KMT2D: variants seen among roughly 807,000 people sequenced by gnomAD.
KMT2D encodes histone-lysine N-methyltransferase 2D.
A neutral mutation model predicts 512.7 loss-of-function variants in KMT2D; 55 were observed. The observed-to-expected ratio is 0.11, with a 90% CI of 0.09 to 0.13. The LOEUF is 0.13. Ranked by LOEUF, KMT2D falls within the 10% of genes least tolerant of loss-of-function variation. The pLI is 1.00. For synonymous variants in KMT2D, 2,995 were observed against 2,904.0 expected (o/e 1.03, Z -1.01); for missense variants, 6,061 against 7,127.9 (o/e 0.85, Z 5.39).
Position 49,040,597 on chromosome 12 carries a change from G to T in KMT2D, c.7173C>A (p.Pro2391=), listed in dbSNP as rs776835202. The change falls in exon 32 of 55, where the codon CCC becomes CCA. Residue 2391 remains proline (P), a synonymous_variant. Coordinates refer to ENST00000301067, the MANE Select transcript of KMT2D (RefSeq NM_003482.4). ...GGGGCAGAGCACAGCAGCTCTCAGGGGGCGGAGGTTGGGGCCGAGGAGTCA... is the reference window on the plus strand; with the variant it reads ...GGGGCAGAGCACAGCAGCTCTCAGGTGGCGGAGGTTGGGGCCGAGGAGTCA... ...PPLTPRPQPP[P]PESCCALPPR... is the part of the protein sequence containing the mutation. 3 of 1,613,556 alleles carry T rather than the reference G, an allele frequency of 1.9e-6. No individual in the cohort carries two copies. The highest frequency in any genetic ancestry group is 4.5e-5 in the East Asian group (2 of 44,844).
chr12:49,053,050 CAGGCCCGG>C lies in KMT2D; in HGVS notation c.969_976del (p.Cys323TrpfsTer16). The C allele has an allele frequency of 6.2e-7, 1 of 1,614,058 alleles. No individual in the cohort carries two copies. The highest frequency in any genetic ancestry group is 8.5e-7 in the Non-Finnish European group (1 of 1,179,890). ...ATTCAGTTCTGCTGAGCCCGCCCCA[CAGGCCCGG>C]CACACCCGGCACGCCTAAGGGAAGG... On this transcript the variant is annotated frameshift_variant, in exon 9 of 55. Coordinates refer to ENST00000301067, the MANE Select transcript of KMT2D (RefSeq NM_003482.4). LOFTEE classifies it high-confidence loss of function.
Position 49,046,192 on chromosome 12 carries a change from G to C in KMT2D, c.4584-18C>G, listed in dbSNP as rs1205714018. The C allele has an allele frequency of 1.9e-6, 3 of 1,612,138 alleles. No homozygotes were observed. The African/African-American group carries it at 4.0e-5, about 22-fold the overall frequency. ...GCATCCACCTGGAGAACAGAGACTG[G>C]AGGAAATAAGCTCAGGCAATGCGAG... On this transcript the variant is annotated intron_variant, in intron 17 of 54. Coordinates refer to ENST00000301067, the MANE Select transcript of KMT2D (RefSeq NM_003482.4). This position sits in a 1 kb window ranked among gnomAD's most constrained non-coding sequence, Gnocchi z 4.2.
At position 49,054,630 on chromosome 12, in the gene KMT2D, C is replaced by A. The variant is rs759923704; in HGVS notation, c.298G>T (p.Gly100Trp). 1.2e-6 allele frequency: 2 copies of A among 1,613,260 alleles called. No homozygotes were observed. The highest frequency in any genetic ancestry group is 2.2e-5 in the South Asian group (2 of 90,980). The change falls in exon 4 of 55, where the codon GGG becomes TGG. Residue 100 changes from glycine (G) to tryptophan (W), a missense_variant. Around this residue, in one of 16 missense-constraint regions of KMT2D, gnomAD observed 144 missense variants for 165.7 expected, o/e 0.87. Coordinates refer to ENST00000301067, the MANE Select transcript of KMT2D (RefSeq NM_003482.4). This position sits in a 1 kb window ranked among gnomAD's most constrained non-coding sequence, Gnocchi z 6.4. Reference sequence around the variant, plus strand: ...GCCTCATTGGGCCCTGGGCTCCCCCCAGGGGACACCACTGGACACCGGGGC... The same window carrying A: ...GCCTCATTGGGCCCTGGGCTCCCCCAAGGGGACACCACTGGACACCGGGGC... Reference protein sequence around the residue: ...DWPRCPVVSPGGSPGPNEAVL... With the variant: ...DWPRCPVVSPWGSPGPNEAVL...
chr12:49,026,078 T>G lies in KMT2D; in HGVS notation c.15784+104A>C. 8.9e-7 allele frequency: 1 copy of G among 1,121,388 alleles called. No individual in the cohort carries two copies. The highest frequency in any genetic ancestry group is 1.7e-5 in the South Asian group (1 of 57,422). The allele number at this position is 1,121,388 out of a possible 1,614,324, so 69.5% of individuals were successfully genotyped here. On this transcript the variant is annotated intron_variant, in intron 49 of 54. Transcript: ENST00000301067. This position sits in a 1 kb window ranked among gnomAD's most constrained non-coding sequence, Gnocchi z 9.6. ...CCTGCCTGAGGTGGGGGAAGGAGGA[T>G]CATTCACATAGAAGCTACAGGTCCT...
Position 49,039,168 on chromosome 12 carries a change from G to C in KMT2D, c.8366+54C>G. 6.2e-7 allele frequency: 1 copy of C among 1,602,276 alleles called. No individual in the cohort carries two copies. Among genetic ancestry groups the C allele is most frequent in the Non-Finnish European group, 8.5e-7 (1 of 1,173,266 alleles). ...AGGAAAATCACAAGAGCTTCCAACA[G>C]TGATAAAATCCATCCCCCTTGGTTT... On this transcript the variant is annotated intron_variant, in intron 34 of 54. Transcript: ENST00000301067. This position sits in a 1 kb window ranked among gnomAD's most constrained non-coding sequence, Gnocchi z 5.0.
In KMT2D at chr12:49,022,266, T is replaced by A. The variant is rs766361159; in HGVS notation, c.16412+14A>T. ...CAGGGACCACTAAATCCCTCCTTCCTCGTCATCTCTCACCTGGCAGGGCCG... is the reference window on the plus strand; with the variant it reads ...CAGGGACCACTAAATCCCTCCTTCCACGTCATCTCTCACCTGGCAGGGCCG... On this transcript the variant is annotated intron_variant, in intron 53 of 54. Transcript: ENST00000301067. This position sits in a 1 kb window ranked among gnomAD's most constrained non-coding sequence, Gnocchi z 8.6. 8 of 1,590,556 alleles carry A rather than the reference T, an allele frequency of 5.0e-6. No homozygotes were observed. The highest frequency in any genetic ancestry group is 1.7e-4 in the Middle Eastern group (1 of 6,022).
Position 49,026,093 on chromosome 12 carries a change from C to A in KMT2D, c.15784+89G>T. On this transcript the variant is annotated intron_variant, in intron 49 of 54. Coordinates refer to ENST00000301067, the MANE Select transcript of KMT2D (RefSeq NM_003482.4). This position sits in a 1 kb window ranked among gnomAD's most constrained non-coding sequence, Gnocchi z 9.6. Reference sequence around the variant, plus strand: ...GGAAGGAGGATCATTCACATAGAAGCTACAGGTCCTCTTATAGACATTGTA... The same window carrying A: ...GGAAGGAGGATCATTCACATAGAAGATACAGGTCCTCTTATAGACATTGTA... 7.9e-7 allele frequency: 1 copy of A among 1,272,860 alleles called. No homozygotes were observed. The highest frequency in any genetic ancestry group is 1.5e-5 in the South Asian group (1 of 64,712). 78.8% of individuals were successfully genotyped at this position (1,272,860 alleles called of 1,614,324 possible). A position where few individuals can be genotyped will look rare whatever the true frequency, so the allele number is the denominator to read the frequency against.
Position 49,037,797 on chromosome 12 carries a change from C to T in KMT2D, c.9559G>A (p.Ala3187Thr). ...AGGTGAGCTGGTGGTCCTCCCGTGG[C>T]CCCAAAGGAGGCCTTCTCAGCTGTG... ...GHTAEKASFG[A>T]TGGPPAHLLT... Residue 3187 changes from alanine (A) to threonine (T), a missense_variant, in exon 35 of 55, where the codon GCC becomes ACC. This residue lies in a region of KMT2D where 533 missense variants were observed against 539.6 expected (regional missense o/e 0.99). Transcript: ENST00000301067. The T allele has an allele frequency of 1.3e-6, 2 of 1,596,738 alleles. No homozygotes were observed. The highest frequency in any genetic ancestry group is 4.5e-5 in the East Asian group (2 of 44,046).
In KMT2D at chr12:49,038,051, G is replaced by T. The variant is rs970061739; in HGVS notation, c.9305C>A (p.Pro3102His). 6 of 1,612,298 alleles carry T rather than the reference G, an allele frequency of 3.7e-6. No homozygotes were observed. Among genetic ancestry groups the T allele is most frequent in the Non-Finnish European group, 5.1e-6 (6 of 1,179,362 alleles). ...GPLGPEERPP[P>H]AADASEPRLA... ...GCGGGGTTCAGAGGCATCAGCAGCA[G>T]GGGGAGGGCGCTCCTCAGGGCCCAA... The change falls in exon 35 of 55, where the codon CCT becomes CAT. Residue 3102 changes from proline (P) to histidine (H), a missense_variant. Coordinates refer to ENST00000301067, the MANE Select transcript of KMT2D (RefSeq NM_003482.4). The surrounding 1 kb of genome is among the most constrained non-coding windows in gnomAD (Gnocchi z 5.7).
intron 1 of KMT2D, among the ~76,000 whole-genome samples, chr12:49,059,349 G>C (rs1049272868): frequency 6.6e-6 from 1 of 152,080 alleles, no homozygotes; most frequent in South Asian, 2.1e-4. Context: ...AAAATAAACA[G>C]GCAGAGAGGC....
intron 48 of KMT2D, 138 bp downstream of exon 48, chr12:49,027,665 G>C: frequency 2.7e-6 from 3 of 1,094,652 alleles, no homozygotes; most frequent in Non-Finnish European, 3.9e-6. Flanking sequence ...ATGTTGGCCA[G>C]GCTGGTCTCA....
Position 49,039,983 on chromosome 12 carries a change from G to A in KMT2D, c.7787C>T (p.Pro2596Leu), listed in dbSNP as rs756597120. Residue 2596 changes from proline (P) to leucine (L), a missense_variant, in exon 32 of 55, where the codon CCC becomes CTC. Physicochemically the swap from Pro to Leu is moderately conservative, Grantham distance 98. Around this residue, in one of 16 missense-constraint regions of KMT2D, gnomAD observed 527 missense variants for 578.9 expected, o/e 0.91. Transcript: ENST00000301067. This position sits in a 1 kb window ranked among gnomAD's most constrained non-coding sequence, Gnocchi z 5.0. ...GCTCTCCCCTGTGGACCCGCTGCTGGGCCCCAGGGGGCTGCCCGATGGGTG... is the reference window on the plus strand; with the variant it reads ...GCTCTCCCCTGTGGACCCGCTGCTGAGCCCCAGGGGGCTGCCCGATGGGTG... Reference protein sequence around the residue: ...NFHPSGSPLGPSSGSTGESYG... With the variant: ...NFHPSGSPLGLSSGSTGESYG... 80 of 1,613,618 alleles carry A rather than the reference G, an allele frequency of 5.0e-5. No individual in the cohort carries two copies. The highest frequency in any genetic ancestry group is 6.5e-5 in the Non-Finnish European group (77 of 1,179,774).
In KMT2D at chr12:49,031,688, G is replaced by A. The variant is rs776307224; in HGVS notation, c.13017C>T (p.Thr4339=). 6.2e-7 allele frequency: 1 copy of A among 1,612,120 alleles called. No homozygotes were observed. The highest frequency in any genetic ancestry group is 1.1e-5 in the South Asian group (1 of 90,630). ...QLPTEAQLPP[T]HPGTPKPQGP... is the part of the protein sequence containing the mutation. ...CCTGAGGTTTGGGGGTCCCTGGATG[G>A]GTGGGAGGGAGCTGGGCCTCAGTGG... The change falls in exon 40 of 55, where the codon ACC becomes ACT. Residue 4339 remains threonine, a synonymous_variant. Coordinates refer to ENST00000301067, the MANE Select transcript of KMT2D (RefSeq NM_003482.4).
rs1180986914 is a variant in KMT2D, at chr12:49,044,631, C to G, written c.4964-109G>C. On this transcript the variant is annotated intron_variant, in intron 20 of 54. Transcript: ENST00000301067. This position sits in a 1 kb window ranked among gnomAD's most constrained non-coding sequence, Gnocchi z 6.4. The stretch of plus-strand genomic sequence containing the variant: ...ATACCTTGCCTCAGAGCCACTTAGA[C>G]GAGACAGCAGTGCTTAAGGGTAACT... The G allele has an allele frequency of 1.9e-6, 3 of 1,555,852 alleles. No individual in the cohort carries two copies. The East Asian group carries it at 6.8e-5, about 35-fold the overall frequency.
rs2120455053 is a variant in KMT2D at position 49,034,268 on chromosome 12, C to A, written c.10539G>T (p.Trp3513Cys). ...NEADQRQYEE[W>C]LFHTQQLLQM... is the part of the protein sequence containing the mutation. ...GTAGGAGCTGCTGGGTATGGAACAG[C>A]CACTCCTCATACTGCCGCTGGTCAG... The change falls in exon 39 of 55, where the codon TGG (tryptophan) becomes TGT (cysteine). Residue 3513 changes from tryptophan to cysteine, a missense_variant. Coordinates refer to ENST00000301067, the MANE Select transcript of KMT2D (RefSeq NM_003482.4). 1 of 1,613,710 alleles carries A rather than the reference C, an allele frequency of 6.2e-7. No individual in the cohort carries two copies. Among genetic ancestry groups the A allele is most frequent in the Non-Finnish European group, 8.5e-7 (1 of 1,179,822 alleles).
At chr12:49,029,353 C>G (rs1163718035) in intron 44 of KMT2D, 48 bp downstream of exon 44, 3 of 1,560,216 alleles carry the variant, frequency 1.9e-6, no homozygotes, top group South Asian at 2.3e-5. Flanking sequence ...ATGAGGCAAC[C>G]TGTACCCCAC....
At position 49,019,883 on chromosome 12, in the gene KMT2D, G is replaced by C. The variant is rs1365530995; in HGVS notation, c.*1897C>G. 1 of 225,608 alleles carries C rather than the reference G, an allele frequency of 4.4e-6. No individual in the cohort carries two copies. Among genetic ancestry groups the C allele is most frequent in the Non-Finnish European group, 8.6e-6 (1 of 116,128 alleles). 14.0% of individuals were successfully genotyped at this position (225,608 alleles called of 1,614,324 possible). ...AAAACAAACCTAAAATCACAACAGC[G>C]ACCAAGCTCCCCCTCCAGCAGGCCC... On this transcript the variant is annotated 3_prime_UTR_variant, in exon 55 of 55. Transcript: ENST00000301067.
In KMT2D at chr12:49,054,915, G is replaced by A. The variant is rs1187636945; in HGVS notation, c.161C>T (p.Thr54Ile). The A allele has an allele frequency of 6.2e-7, 1 of 1,613,838 alleles. No individual in the cohort carries two copies. The highest frequency in any genetic ancestry group is 1.3e-5 in the African/African-American group (1 of 74,918). ...LSSGSPRLQE[T>I]PQDCSGGPVR... ...AACAAGCTACCTGCAGTCCTGAGGAGTCTCCTGAAGCCTGGGACTCCCAGA... is the reference window on the plus strand; with the variant it reads ...AACAAGCTACCTGCAGTCCTGAGGAATCTCCTGAAGCCTGGGACTCCCAGA... The change falls in exon 3 of 55, where the codon ACT becomes ATT. Residue 54 changes from threonine (T) to isoleucine (I), a missense_variant. Around this residue, in one of 16 missense-constraint regions of KMT2D, gnomAD observed 144 missense variants for 165.7 expected, o/e 0.87. Coordinates refer to ENST00000301067, the MANE Select transcript of KMT2D (RefSeq NM_003482.4). This position sits in a 1 kb window ranked among gnomAD's most constrained non-coding sequence, Gnocchi z 6.4.
Position 49,037,835 on chromosome 12 carries a change from G to A in KMT2D, c.9521C>T (p.Ser3174Phe), listed in dbSNP as rs374526821. 6.3e-7 allele frequency: 1 copy of A among 1,597,268 alleles called. No homozygotes were observed. The highest frequency in any genetic ancestry group is 1.3e-5 in the African/African-American group (1 of 74,770). The stretch of plus-strand genomic sequence containing the variant: ...CTTCTCAGCTGTGTGCCCACTGCTA[G>A]AAAATGGCCCTGTGCCCATCCGGGT... ...RDTRMGTGPF[S>F]SSGHTAEKAS... The change falls in exon 35 of 55, where the codon TCT becomes TTT. Residue 3174 changes from serine (S) to phenylalanine (F), a missense_variant. Ser to Phe is a radical substitution (Grantham distance 155). Coordinates refer to ENST00000301067, the MANE Select transcript of KMT2D (RefSeq NM_003482.4).
Sources: gnomAD v4.1 joint callset for allele counts (sites outside exome capture counted in the v4.1 genomes callset) on GRCh38, gnomAD v4.1.1 for gene constraint, gnomAD v4.1.1 regional missense constraint, Gnocchi (gnomAD v3.1) non-coding constraint, MANE v1.5 for transcripts, NCBI Gene and HGNC (gene_info 2026-07-23, HGNC 2026-07-21) for gene names.